Variants in ARID1B observed in about 807,000 individuals in gnomAD.
ARID1B encodes AT-rich interactive domain-containing protein 1B.
ARID1B carries 30 observed loss-of-function variants against 212.3 expected under a neutral mutation model. The ratio of observed to expected loss-of-function variants is 0.14; its 90% CI spans 0.11 to 0.19. The LOEUF (loss-of-function observed/expected upper bound fraction) is 0.19, where lower values mean the gene tolerates loss of function less well. Among genes scored for constraint, ARID1B ranks in the 10% least tolerant of loss-of-function variants. The pLI is 1.00. For synonymous variants in ARID1B, 1,402 were observed against 1,301.7 expected (o/e 1.08, Z -1.66); for missense variants, 2,891 against 3,204.0 (o/e 0.90, Z 2.36).
chr6:157,191,101 GT>G (rs1010946591), intron 15 of ARID1B, among the ~76,000 whole-genome samples: 4 of 151,564 alleles, frequency 2.6e-5, no homozygotes, highest in South Asian at 2.1e-4. Flanking sequence ...GATGTGAGTA[GT>G]TTTTTTTTGT....
At position 156,892,060 on chromosome 6, in the gene ARID1B, C is replaced by CTT. The variant is rs1194745302; in HGVS notation, c.1987-9306_1987-9305dup. Among the ~76,000 whole-genome samples the CTT allele has an allele frequency of 9.6e-3, 616 of 64,442 alleles. 6 individuals carry two copies. The highest frequency in any genetic ancestry group is 0.034 in the African/African-American group (596 of 17,494). 42.3% of individuals were successfully genotyped at this position (64,442 alleles called of 152,430 possible). A position where few individuals can be genotyped will look rare whatever the true frequency, so the allele number is the denominator to read the frequency against. ...CGAATTTTCTTTTTTTTTTTTTTTT[C>CTT]TTTTTTTTTTTGTATTTTTAGTAGT... On this transcript the variant is annotated intron_variant, in intron 2 of 19. Coordinates refer to ENST00000636930, the MANE Select transcript of ARID1B (RefSeq NM_001374828.1).
chr6:156,872,041 G>A (rs920961351), intron 2 of ARID1B, among the ~76,000 whole-genome samples: 10 of 152,160 alleles, frequency 6.6e-5, no homozygotes, highest in African/African-American at 9.7e-5. Context: ...GATATTGTAC[G>A]CTGACATATT....
chr6:156,979,918 G>A (rs1203372029), intron 4 of ARID1B, among the ~76,000 whole-genome samples: 1 of 152,030 alleles, frequency 6.6e-6, no homozygotes, highest in African/African-American at 2.4e-5. Flanking sequence ...TTTTACCCAG[G>A]CTGGAGTGCA....
chr6:156,881,931 C>T (rs1473809353), intron 2 of ARID1B, among the ~76,000 whole-genome samples: 2 of 152,188 alleles, frequency 1.3e-5, no homozygotes, highest in African/African-American at 4.8e-5. Flanking sequence ...AACTCATTTA[C>T]TTGGGTAGTA....
chr6:157,120,548 A>T (rs1283925491), intron 6 of ARID1B, among the ~76,000 whole-genome samples: 1 of 152,246 alleles, frequency 6.6e-6, no homozygotes, highest in East Asian at 1.9e-4. Flanking sequence ...ATAAACACTG[A>T]ACATAGTTAA....
chr6:157,014,802 A>G (rs1447337366), intron 4 of ARID1B, among the ~76,000 whole-genome samples: 1 of 152,146 alleles, frequency 6.6e-6, no homozygotes, highest in African/African-American at 2.4e-5. Flanking sequence ...TTTCCTTTGT[A>G]AACTAAAGCA....
At chr6:157,107,189 T>A (rs1346717892) in intron 5 of ARID1B, among the ~76,000 whole-genome samples, 1 of 152,084 alleles carries the variant, frequency 6.6e-6, no homozygotes, top group Non-Finnish European at 1.5e-5. Flanking sequence ...TTCAAAGGTG[T>A]CAAGGTCACA....
At chr6:156,829,540 A>C in intron 2 of ARID1B, 119 bp downstream of exon 2, 2 of 1,128,990 alleles carry the variant, frequency 1.8e-6, no homozygotes, top group Non-Finnish European at 2.4e-6. Flanking sequence ...TTTCTGCTTT[A>C]ATTTTTATTG....
chr6:157,133,109 C>T lies in ARID1B; in HGVS notation c.2663C>T (p.Pro888Leu), dbSNP rs1788666641. The T allele has an allele frequency of 6.2e-7, 1 of 1,614,080 alleles. No individual in the cohort carries two copies. The highest frequency in any genetic ancestry group is 1.1e-5 in the South Asian group (1 of 91,082). ...QQTGPSMSPH[P>L]SPGGQMHAGI... ...ACAGGACCATCCATGTCGCCTCATC[C>T]TTCTCCTGGGGGCCAGATGCATGCT... Residue 888 changes from proline (P) to leucine (L), a missense_variant, in exon 7 of 20, where the codon CCT becomes CTT. Transcript: ENST00000636930.
chr6:157,074,315 C>T (rs1362293170), intron 4 of ARID1B, among the ~76,000 whole-genome samples: 1 of 152,176 alleles, frequency 6.6e-6, no homozygotes, highest in East Asian at 1.9e-4. Flanking sequence ...CAACCTCAGC[C>T]TCCGGGGTTC....
Position 157,209,889 on chromosome 6 carries a change from C to T in ARID1B, c.*1998C>T, listed in dbSNP as rs1462739447. The stretch of plus-strand genomic sequence containing the variant: ...TCATTGACTGTTACTGTGTAATAAT[C>T]GATTTCTTTGAAACTGCTGCATAAT... On this transcript the variant is annotated 3_prime_UTR_variant, in exon 20 of 20. Transcript: ENST00000636930. The T allele has an allele frequency of 2.1e-5, 5 of 233,050 alleles. No individual in the cohort carries two copies. Among genetic ancestry groups the T allele is most frequent in the Admixed American group, 5.6e-5 (1 of 17,774 alleles). 14.4% of individuals were successfully genotyped at this position (233,050 alleles called of 1,614,324 possible).
intron 2 of ARID1B, among the ~76,000 whole-genome samples, chr6:156,886,706 T>C (rs1787534722): frequency 6.6e-6 from 1 of 152,220 alleles, no homozygotes; most frequent in African/African-American, 2.4e-5. Flanking sequence ...CCAGTGGCCA[T>C]TCAAAGTCTT....
chr6:156,980,594 G>A (rs1395182083), intron 4 of ARID1B, among the ~76,000 whole-genome samples: 3 of 152,220 alleles, frequency 2.0e-5, no homozygotes, highest in East Asian at 1.9e-4. Context: ...TGCTTTTCCC[G>A]TAGGAGGAGT....
At chr6:157,070,017 A>G (rs756786446) in intron 4 of ARID1B, among the ~76,000 whole-genome samples, 2 of 152,178 alleles carry the variant, frequency 1.3e-5, no homozygotes, top group African/African-American at 4.8e-5. Context: ...TTTTGCATAC[A>G]TATTATGCTT....
At chr6:156,823,688 G>GTTTTTTTTTTTTTTTTTTTTTT (rs56983474) in intron 1 of ARID1B, among the ~76,000 whole-genome samples, 1 of 118,030 alleles carries the variant, frequency 8.5e-6, no homozygotes. Context: ...TTTCTTTGTT[G>GTTTTTTTTTTTTTTTTTTTTTT]TTTTTTTTTT....
At chr6:157,157,158 G>A (rs1790631872) in intron 8 of ARID1B, among the ~76,000 whole-genome samples, 2 of 152,076 alleles carry the variant, frequency 1.3e-5, no homozygotes, top group Non-Finnish European at 2.9e-5. Context: ...GCTGGTGGCT[G>A]TGCTCACTCG....
intron 4 of ARID1B, chr6:156,939,461 C>T (rs1490769675): frequency 6.6e-6 from 1 of 152,044 alleles, no homozygotes; most frequent in Non-Finnish European, 1.5e-5. Flanking sequence ...TCTTCGCTCC[C>T]CTATTTCACT....
chr6:157,168,832 G>A (rs1791510291), intron 9 of ARID1B: 4 of 152,204 alleles, frequency 2.6e-5, no homozygotes, highest in Admixed American at 2.6e-4. Flanking sequence ...TTTGTATGGG[G>A]TGGTAGTGTA....
chr6:156,920,738 T>C (rs533809332), intron 3 of ARID1B, among the ~76,000 whole-genome samples: 172 of 152,238 alleles, frequency 1.1e-3, no homozygotes, highest in African/African-American at 3.9e-3. Flanking sequence ...TGGGTTTATG[T>C]CTCTTTGCAT....
Sources: allele counts gnomAD v4.1 joint callset (sites outside exome capture counted in the v4.1 genomes callset), GRCh38; gene constraint gnomAD v4.1.1; transcripts MANE v1.5; gene names NCBI Gene and HGNC (gene_info 2026-07-23, HGNC 2026-07-21).